Variants in NFIB observed in about 807,000 individuals in gnomAD.
NFIB encodes the protein nuclear factor 1 B-type.
In NFIB, 11 loss-of-function variants were observed where a neutral mutation model predicts 61.5. The observed-to-expected ratio is 0.18, with a 90% CI of 0.11 to 0.30. NFIB has a LOEUF of 0.30. NFIB is among the 10% of genes least tolerant of loss of function. The pLI, the probability that NFIB is intolerant of heterozygous loss-of-function variation, is 1.00. For synonymous variants in NFIB, 260 were observed against 216.5 expected, an observed-to-expected ratio of 1.20 and a Z score of -1.76; for missense variants, 471 against 608.9, an observed-to-expected ratio of 0.77 and a Z score of 2.38.
the NFIB span, among the ~76,000 whole-genome samples, chr9:14,463,521 A>G: frequency 6.6e-6 from 1 of 152,108 alleles, no homozygotes; most frequent in East Asian, 1.9e-4. Context: ...TGTTAATAGC[A>G]AAGGAAATCT....
intron 5 of NFIB, 46 bp from the exon 6 acceptor site, chr9:14,146,853 A>G (rs752861764): frequency 8.2e-6 from 13 of 1,588,310 alleles, no homozygotes; most frequent in African/African-American, 1.4e-5. Context: ...TTCTGGGAAG[A>G]TGTGTACATT....
chr9:14,501,282 C>G, the NFIB span, among the ~76,000 whole-genome samples: 2 of 152,158 alleles, frequency 1.3e-5, no homozygotes, highest in Non-Finnish European at 2.9e-5. Context: ...TTTCCCTGCC[C>G]TTCAAAGAAG....
Position 14,320,699 on chromosome 9 carries a change from C to T in NFIB, c.109-13179G>A, listed in dbSNP as rs547294573. Among the ~76,000 whole-genome samples the T allele has an allele frequency of 4.6e-5, 7 of 152,282 alleles. No individual in the cohort carries two copies. In the South Asian group the frequency reaches 1.5e-3, roughly 32 times the overall value. ...CTCCTCAGTCATATACACACATACA[C>T]CCTGCTTATTTACACGTGCATTCTT... is the stretch of plus-strand genomic sequence containing the variant. On this transcript the variant is annotated intron_variant, in intron 1 of 8. Transcript: ENST00000380934.
At chr9:14,239,226 T>A (rs2054109039) in intron 2 of NFIB, among the ~76,000 whole-genome samples, 1 of 152,194 alleles carries the variant, frequency 6.6e-6, no homozygotes, top group African/African-American at 2.4e-5. Context: ...TAACTTAACT[T>A]TGAAAACTGT....
intron 1 of NFIB, among the ~76,000 whole-genome samples, chr9:14,369,254 C>T (rs1325697990): frequency 6.6e-6 from 1 of 152,120 alleles, no homozygotes; most frequent in African/African-American, 2.4e-5. Context: ...CAGTGATTTC[C>T]CAATCTTATT....
intron 1 of NFIB, chr9:14,321,894 A>T (rs916285257): frequency 1.5e-5 from 18 of 1,231,778 alleles, no homozygotes; most frequent in Non-Finnish European, 1.8e-5. Flanking sequence ...GGGTGCAAAG[A>T]ACGAATAAAA....
Position 14,120,548 on chromosome 9 carries a change from C to G in NFIB, c.1137G>C (p.Ser379=). 1 of 1,613,796 alleles carries G rather than the reference C, an allele frequency of 6.2e-7. No homozygotes were observed. The highest frequency in any genetic ancestry group is 8.5e-7 in the Non-Finnish European group (1 of 1,179,926). ...TGATTGTTGGATGAGAAAAGTAGCT[C>G]GATGGGGCTGGAGGAAGGATAGCTT... is the stretch of plus-strand genomic sequence containing the variant. ...PTQAILPPAP[S]SYFSHPTIRY... Residue 379 remains serine (S), a synonymous_variant, in exon 8 of 11, where the codon TCG becomes TCC. Transcript: ENST00000380953. The surrounding 1 kb of genome is among the most constrained non-coding windows in gnomAD (Gnocchi z 4.4).
the NFIB span, among the ~76,000 whole-genome samples, chr9:14,416,098 T>C: frequency 0.021 from 3,219 of 152,162 alleles, 108 homozygotes; most frequent in African/African-American, 0.074. Context: ...ACAGCAATGG[T>C]GAGTAAGCAC....
chr9:14,114,270 C>T (rs1248339037), intron 9 of NFIB, among the ~76,000 whole-genome samples: 5 of 152,166 alleles, frequency 3.3e-5, no homozygotes, highest in African/African-American at 1.2e-4. Flanking sequence ...CATCAGCAAC[C>T]AGTGACCCCT....
intron 2 of NFIB, among the ~76,000 whole-genome samples, chr9:14,289,789 A>G (rs4741359): frequency 0.96 from 146,492 of 152,000 alleles, 70,676 homozygotes; most frequent in East Asian, 0.99. Flanking sequence ...TATTCTTCAG[A>G]GAATAATCTT....
the NFIB span, among the ~76,000 whole-genome samples, chr9:14,442,690 C>G: frequency 6.6e-6 from 1 of 152,122 alleles, no homozygotes; most frequent in Non-Finnish European, 1.5e-5. Flanking sequence ...CCGTGTCAGA[C>G]TTTGCCTTTT....
At chr9:14,379,582 G>A (rs186069627) in intron 1 of NFIB, among the ~76,000 whole-genome samples, 10 of 152,154 alleles carry the variant, frequency 6.6e-5, no homozygotes, top group Admixed American at 3.3e-4. Context: ...GTATTATATC[G>A]TCACTTTGGC....
At chr9:14,184,278 T>C (rs1236608784) in intron 2 of NFIB, among the ~76,000 whole-genome samples, 2 of 152,216 alleles carry the variant, frequency 1.3e-5, no homozygotes, top group African/African-American at 4.8e-5. Flanking sequence ...CCTAAAATAA[T>C]GCGAAGCTAA....
At chr9:14,170,660 T>A (rs1377052238) in intron 3 of NFIB, among the ~76,000 whole-genome samples, 1 of 151,822 alleles carries the variant, frequency 6.6e-6, no homozygotes, top group Admixed American at 6.6e-5. Context: ...GGGAGTTACA[T>A]GAGATACTTG....
chr9:14,382,558 C>T (rs574723914), intron 1 of NFIB, among the ~76,000 whole-genome samples: 16 of 152,076 alleles, frequency 1.1e-4, no homozygotes, highest in African/African-American at 3.9e-4. Flanking sequence ...TTGTTTGGAA[C>T]TACCATTTTG....
At position 14,388,754 on chromosome 9, in the gene NFIB, T is replaced by C. The variant is rs1442269373; in HGVS notation, c.108+9770A>G. 3.9e-5 allele frequency among the ~76,000 whole-genome samples: 6 copies of C among 152,262 alleles called. No homozygotes were observed. In the East Asian group the frequency reaches 1.2e-3, roughly 29 times the overall value. The stretch of plus-strand genomic sequence containing the variant: ...CTAAGGATATCTGTGACATTGTATT[T>C]CTTAAAAAATAAAAATAAAACAAAT... On this transcript the variant is annotated intron_variant, in intron 1 of 8. Coordinates refer to the NFIB transcript ENST00000380934.
intron 3 of NFIB, among the ~76,000 whole-genome samples, chr9:14,157,529 A>T (rs562971519): frequency 6.6e-6 from 1 of 152,342 alleles, no homozygotes; most frequent in East Asian, 1.9e-4. Context: ...TTTTAAGAGT[A>T]TTATAACAAA....
chr9:14,313,310 G>A lies in NFIB; in HGVS notation c.30+172C>T, dbSNP rs2060377771. On this transcript the variant is annotated intron_variant, in intron 1 of 10. Transcript: ENST00000380953. The surrounding 1 kb of genome is among the most constrained non-coding windows in gnomAD (Gnocchi z 4.5). ...GGCGCTCGCAGTGGCCGTGGCGAGG[G>A]GCCGCTCCCGGCTCCCACGCCGCCC... 6.6e-6 allele frequency among the ~76,000 whole-genome samples: 1 copy of A among 151,638 alleles called. No individual in the cohort carries two copies. Among genetic ancestry groups the A allele is most frequent in the African/African-American group, 2.4e-5 (1 of 41,392 alleles).
chr9:14,492,578 A>AG, the NFIB span, among the ~76,000 whole-genome samples: 4 of 151,806 alleles, frequency 2.6e-5, no homozygotes, highest in Non-Finnish European at 5.9e-5. Flanking sequence ...AAGAAGAGGG[A>AG]GGGGGAAGGG....
Sources: allele counts gnomAD v4.1 joint callset (sites outside exome capture counted in the v4.1 genomes callset), GRCh38; gene constraint gnomAD v4.1.1; non-coding constraint Gnocchi (gnomAD v3.1); transcripts MANE v1.5; gene names NCBI Gene and HGNC (gene_info 2026-07-23, HGNC 2026-07-21).